The following ITPRID1 variants were observed in gnomAD, a reference collection of about 807,000 sequenced individuals.
ITPRID1 encodes ITPR interacting domain containing 1.
Under a neutral mutation model 95.4 loss-of-function variants are expected in ITPRID1, and 96 were observed. The ratio of observed to expected loss-of-function variants is 1.01; its 90% CI spans 0.85 to 1.19. ITPRID1 has a LOEUF of 1.19. Ranked by LOEUF, ITPRID1 falls within the 50% of genes most tolerant of loss-of-function variation. The pLI, the probability that ITPRID1 is intolerant of heterozygous loss-of-function variation, is 0.00. For synonymous variants in ITPRID1, 510 were observed against 453.6 expected (o/e 1.12, Z -1.58); for missense variants, 1,339 against 1,252.9 (o/e 1.07, Z -1.04).
chr7:31,602,520 A>G (rs2128160459), intron 10 of ITPRID1, among the ~76,000 whole-genome samples: 2 of 152,336 alleles, frequency 1.3e-5, no homozygotes, highest in South Asian at 4.1e-4. Flanking sequence ...GTCCTGTATT[A>G]GGACCCAGCG....
chr7:31,522,167 G>C (rs573186395), intron 1 of ITPRID1, among the ~76,000 whole-genome samples: 277 of 151,992 alleles, frequency 1.8e-3, no homozygotes, highest in Middle Eastern at 0.01. Context: ...ATATTTCTCC[G>C]ATGCTGCTCC....
At chr7:31,552,045 T>C (rs1346035417) in intron 2 of ITPRID1, 1 of 340,888 alleles carries the variant, frequency 2.9e-6, no homozygotes, top group Non-Finnish European at 6.0e-6. Context: ...AGTAAGAGAA[T>C]GGCCCTTGTT....
chr7:31,525,775 C>T (rs1305607025), intron 1 of ITPRID1, among the ~76,000 whole-genome samples: 1 of 152,104 alleles, frequency 6.6e-6, no homozygotes, highest in African/African-American at 2.4e-5. Context: ...AATTTGGGGC[C>T]ACTCAATCTC....
chr7:31,625,523 C>CA (rs1788370970), intron 10 of ITPRID1, among the ~76,000 whole-genome samples: 3 of 151,692 alleles, frequency 2.0e-5, no homozygotes, highest in Admixed American at 6.6e-5. Context: ...ATTGCAAGAA[C>CA]AAAAAACCAG....
intron 12 of ITPRID1, among the ~76,000 whole-genome samples, chr7:31,647,169 G>C (rs917869833): frequency 6.6e-6 from 1 of 152,220 alleles, no homozygotes; most frequent in Non-Finnish European, 1.5e-5. Flanking sequence ...AAAGCACAAA[G>C]AGAACAAGTT....
intron 12 of ITPRID1, among the ~76,000 whole-genome samples, 155 bp from the exon 13 acceptor site, chr7:31,650,987 A>C (rs1297136409): frequency 6.6e-6 from 1 of 152,052 alleles, no homozygotes; most frequent in African/African-American, 2.4e-5. Context: ...TGTGAACCCA[A>C]ATATTGGGCT....
intron 10 of ITPRID1, among the ~76,000 whole-genome samples, chr7:31,593,041 A>G (rs1785934394): frequency 1.3e-5 from 2 of 152,232 alleles, no homozygotes; most frequent in African/African-American, 2.4e-5. Context: ...ACAGCGTCTC[A>G]TGCCTGTAAT....
At chr7:31,568,379 G>A (rs547259454) in intron 5 of ITPRID1, among the ~76,000 whole-genome samples, 106 of 152,214 alleles carry the variant, frequency 7.0e-4, no homozygotes, top group African/African-American at 2.5e-3. Flanking sequence ...TCTTTCATAT[G>A]TTTAAATCAT....
At chr7:31,650,341 C>G (rs928309246) in intron 12 of ITPRID1, among the ~76,000 whole-genome samples, 2 of 152,194 alleles carry the variant, frequency 1.3e-5, no homozygotes, top group South Asian at 4.2e-4. Flanking sequence ...AGGGACACAG[C>G]CTTGTGCTGC....
chr7:31,635,632 T>C (rs1296951837), intron 10 of ITPRID1, among the ~76,000 whole-genome samples: 1 of 152,198 alleles, frequency 6.6e-6, no homozygotes, highest in African/African-American at 2.4e-5. Context: ...TTGTAGTTGT[T>C]TATTTTCATT....
intron 10 of ITPRID1, among the ~76,000 whole-genome samples, chr7:31,591,677 A>T (rs1168542505): frequency 6.6e-6 from 1 of 152,204 alleles, no homozygotes; most frequent in African/African-American, 2.4e-5. Context: ...AATAGTGCCA[A>T]ATCCTAGGCT....
At chr7:31,637,463 T>C (rs576375321) in intron 10 of ITPRID1, among the ~76,000 whole-genome samples, 2 of 152,346 alleles carry the variant, frequency 1.3e-5, no homozygotes, top group African/African-American at 2.4e-5. Flanking sequence ...ATTGTGGTTT[T>C]GATTTGCATT....
intron 10 of ITPRID1, among the ~76,000 whole-genome samples, chr7:31,615,443 C>T (rs1386483122): frequency 6.6e-6 from 1 of 152,042 alleles, no homozygotes; most frequent in Non-Finnish European, 1.5e-5. Flanking sequence ...TAATGGCAAG[C>T]AGTAAATGGC....
At chr7:31,609,791 C>G (rs1406215092) in intron 10 of ITPRID1, among the ~76,000 whole-genome samples, 1 of 151,340 alleles carries the variant, frequency 6.6e-6, no homozygotes, top group Non-Finnish European at 1.5e-5. Flanking sequence ...TTACTTATCT[C>G]TGCTCCAATC....
intron 1 of ITPRID1, among the ~76,000 whole-genome samples, chr7:31,519,620 C>CTCTATATATATATATA: frequency 1.9e-3 from 47 of 25,238 alleles, no homozygotes; most frequent in African/African-American, 2.5e-3. Flanking sequence ...CTCTCTCTCT[C>CTCTATATATATATATA]TATATATATA....
intron 5 of ITPRID1, among the ~76,000 whole-genome samples, chr7:31,561,707 G>A (rs1025544900): frequency 2.0e-5 from 3 of 152,144 alleles, no homozygotes; most frequent in Non-Finnish European, 4.4e-5. Flanking sequence ...TCTCCAGGGC[G>A]TTGTCTGTTC....
At chr7:31,572,507 TA>T (rs1241941956) in intron 7 of ITPRID1, among the ~76,000 whole-genome samples, 2 of 152,136 alleles carry the variant, frequency 1.3e-5, no homozygotes, top group South Asian at 4.2e-4. Context: ...TTTTTAAGAT[TA>T]AAAAAAGCAA....
At chr7:31,623,080 A>AATAACAGGATC (rs1391516688) in intron 10 of ITPRID1, among the ~76,000 whole-genome samples, 6 of 152,226 alleles carry the variant, frequency 3.9e-5, no homozygotes, top group Non-Finnish European at 7.3e-5. Context: ...TGAATAGGCC[A>AATAACAGGATC]ATAACAGGAT....
At chr7:31,612,237 G>A (rs1029167387) in intron 10 of ITPRID1, among the ~76,000 whole-genome samples, 1 of 151,968 alleles carries the variant, frequency 6.6e-6, no homozygotes, top group Non-Finnish European at 1.5e-5. Context: ...TGTATTTGAT[G>A]AGACATTCTT....
Sources: allele counts gnomAD v4.1 joint callset (sites outside exome capture counted in the v4.1 genomes callset), GRCh38; gene constraint gnomAD v4.1.1; transcripts MANE v1.5; gene names NCBI Gene and HGNC (gene_info 2026-07-23, HGNC 2026-07-21).